The following CDKAL1 variants were observed in gnomAD, a reference collection of about 807,000 sequenced individuals.
CDKAL1 encodes the protein CDKAL1 threonylcarbamoyladenosine tRNA methylthiotransferase.
A neutral mutation model predicts 68.2 loss-of-function variants in CDKAL1; 32 were observed. The ratio of observed to expected loss-of-function variants is 0.47; its 90% CI spans 0.35 to 0.63. The LOEUF is 0.63. Ranked by LOEUF, CDKAL1 falls within the 30% of genes least tolerant of loss-of-function variation. The pLI is 0.00. For synonymous variants in CDKAL1, 234 were observed against 244.3 expected (o/e 0.96, Z 0.39); for missense variants, 606 against 696.7 (o/e 0.87, Z 1.47).
intron 8 of CDKAL1, among the ~76,000 whole-genome samples, chr6:20,784,882 T>TA (rs1775603151): frequency 6.6e-6 from 1 of 152,174 alleles, no homozygotes; most frequent in African/African-American, 2.4e-5. Context: ...TAAAAATATT[T>TA]AAAATTTTTT....
intron 9 of CDKAL1, among the ~76,000 whole-genome samples, chr6:20,891,596 G>A (rs913919918): frequency 2.3e-4 from 34 of 148,554 alleles, no homozygotes; most frequent in African/African-American, 7.5e-4. Context: ...GTGTAGTGGC[G>A]CAGTCTCGGC....
intron 12 of CDKAL1, among the ~76,000 whole-genome samples, chr6:21,082,714 C>T (rs753252957): frequency 3.3e-5 from 5 of 151,930 alleles, no homozygotes; most frequent in Non-Finnish European, 7.4e-5. Context: ...AATACAAAGA[C>T]CTCCAGTACA....
At chr6:20,584,825 A>T (rs1277155269) in intron 4 of CDKAL1, among the ~76,000 whole-genome samples, 2 of 151,986 alleles carry the variant, frequency 1.3e-5, no homozygotes, top group Admixed American at 1.3e-4. Flanking sequence ...CACCAAATCT[A>T]CCTGCTGGAG....
rs187460650 is a variant in CDKAL1 at position 20,624,470 on chromosome 6, T to C, written c.287-24823T>C. Among the ~76,000 whole-genome samples the C allele has an allele frequency of 1.8e-4, 27 of 152,122 alleles. No homozygotes were observed. The East Asian group carries it at 4.1e-3, about 23-fold the overall frequency. Reference sequence around the variant, plus strand: ...GAGGGCAGGCCAGGCAGATAATAAGTGTATAGCTGCTGCACCATTTTATAT... The same window carrying C: ...GAGGGCAGGCCAGGCAGATAATAAGCGTATAGCTGCTGCACCATTTTATAT... On this transcript the variant is annotated intron_variant, in intron 4 of 15. Coordinates refer to ENST00000274695, the MANE Select transcript of CDKAL1 (RefSeq NM_017774.3).
chr6:20,784,384 T>G (rs142265923), intron 8 of CDKAL1, among the ~76,000 whole-genome samples: 1 of 150,144 alleles, frequency 6.7e-6, no homozygotes, highest in East Asian at 1.9e-4. Flanking sequence ...TATTTTTAAG[T>G]GTTTTTTTTC....
At chr6:20,695,396 C>G (rs1050559465) in intron 5 of CDKAL1, among the ~76,000 whole-genome samples, 8 of 152,210 alleles carry the variant, frequency 5.3e-5, no homozygotes, top group Admixed American at 1.3e-4. Flanking sequence ...CCATCAAAAT[C>G]ATTCTTTAGG....
intron 11 of CDKAL1, among the ~76,000 whole-genome samples, chr6:21,060,629 C>G (rs1771095236): frequency 6.6e-6 from 1 of 151,888 alleles, no homozygotes; most frequent in Admixed American, 6.6e-5. Context: ...TTATATCTAA[C>G]ACAGAAATTA....
At chr6:21,205,830 C>CT (rs34849597) in intron 15 of CDKAL1, among the ~76,000 whole-genome samples, 1,174 of 66,594 alleles carry the variant, frequency 0.018, 136 homozygotes, top group African/African-American at 0.022. Context: ...CGCGCCCAGC[C>CT]TTTTTTTTTT....
At chr6:20,677,481 C>T (rs771981047) in intron 5 of CDKAL1, among the ~76,000 whole-genome samples, 52 of 151,986 alleles carry the variant, frequency 3.4e-4, no homozygotes, top group African/African-American at 1.0e-3. Flanking sequence ...TGCAATGGCA[C>T]GATCTTGCCT....
intron 5 of CDKAL1, 78 bp from the exon 6 acceptor site, chr6:20,739,441 T>C: frequency 1.3e-6 from 1 of 784,634 alleles, no homozygotes; most frequent in Non-Finnish European, 2.1e-6. Flanking sequence ...TTTGGAGAAC[T>C]AATATGCACT....
intron 8 of CDKAL1, among the ~76,000 whole-genome samples, chr6:20,781,627 T>C (rs1412537977): frequency 6.6e-6 from 1 of 152,192 alleles, no homozygotes. Flanking sequence ...GTATGGTAAA[T>C]GTTGCCCAAG....
chr6:20,665,866 G>C (rs915661931), intron 5 of CDKAL1, among the ~76,000 whole-genome samples: 1 of 152,012 alleles, frequency 6.6e-6, no homozygotes, highest in Non-Finnish European at 1.5e-5. Context: ...CATGCAGGTC[G>C]TGTGGAATTC....
intron 13 of CDKAL1, among the ~76,000 whole-genome samples, chr6:21,167,941 G>C (rs55917589): frequency 6.6e-6 from 1 of 152,096 alleles, no homozygotes; most frequent in Non-Finnish European, 1.5e-5. Context: ...ATAAGTAGAC[G>C]TGCACACCCA....
At chr6:20,591,762 T>C (rs1765601484) in intron 4 of CDKAL1, among the ~76,000 whole-genome samples, 1 of 152,208 alleles carries the variant, frequency 6.6e-6, no homozygotes. Flanking sequence ...CCATGCTGTT[T>C]TGGTTACCGT....
At chr6:20,891,836 C>G (rs114936531) in intron 9 of CDKAL1, among the ~76,000 whole-genome samples, 1 of 152,098 alleles carries the variant, frequency 6.6e-6, no homozygotes, top group Admixed American at 6.5e-5. Flanking sequence ...CCTGGCCCAT[C>G]CTGCTTATTT....
chr6:20,776,134 A>G (rs1775162215), intron 7 of CDKAL1, among the ~76,000 whole-genome samples: 1 of 152,222 alleles, frequency 6.6e-6, no homozygotes, highest in South Asian at 2.1e-4. Context: ...TAATTTATCA[A>G]ATGTTATTAG....
chr6:21,073,565 A>C (rs1425579216), intron 12 of CDKAL1, among the ~76,000 whole-genome samples: 1 of 152,128 alleles, frequency 6.6e-6, no homozygotes, highest in Non-Finnish European at 1.5e-5. Context: ...ATGGTATCTC[A>C]CTGTAGTTTT....
intron 2 of CDKAL1, among the ~76,000 whole-genome samples, chr6:20,541,161 A>T (rs1448329846): frequency 6.6e-6 from 1 of 152,180 alleles, no homozygotes; most frequent in African/African-American, 2.4e-5. Flanking sequence ...GATAGGTAGT[A>T]AATAATTAGA....
chr6:20,958,741 T>C (rs572834984), intron 10 of CDKAL1, among the ~76,000 whole-genome samples: 1 of 152,318 alleles, frequency 6.6e-6, no homozygotes, highest in Non-Finnish European at 1.5e-5. Flanking sequence ...GAGAATTTTA[T>C]TGGGAAGACA....
Sources: gnomAD v4.1 joint callset for allele counts (sites outside exome capture counted in the v4.1 genomes callset) on GRCh38, gnomAD v4.1.1 for gene constraint, MANE v1.5 for transcripts, NCBI Gene and HGNC (gene_info 2026-07-23, HGNC 2026-07-21) for gene names.